Variants in CMIP observed in about 807,000 individuals in gnomAD.
The protein encoded by CMIP is c-Maf inducing protein.
In CMIP, 13 loss-of-function variants were observed where a neutral mutation model predicts 97.3. That is an observed-to-expected ratio of 0.13 (90% confidence interval 0.09 to 0.21). The LOEUF is 0.21. Ranked by LOEUF, CMIP falls within the 10% of genes least tolerant of loss-of-function variation. CMIP has a pLI of 1.00. For missense variants in CMIP, 847 were observed against 1,024.9 expected (o/e 0.83, Z 2.37); for synonymous variants, 538 against 436.3 (o/e 1.23, Z -2.91).
chr16:81,467,585 A>ATT (rs200498828), intron 1 of CMIP, among the ~76,000 whole-genome samples: 5 of 137,186 alleles, frequency 3.6e-5, no homozygotes, highest in African/African-American at 1.1e-4. Context: ...TTTCTTCTTT[A>ATT]TTTTTTTTTT....
At chr16:81,543,011 G>C (rs1228423463) in intron 1 of CMIP, among the ~76,000 whole-genome samples, 1 of 152,214 alleles carries the variant, frequency 6.6e-6, no homozygotes, top group African/African-American at 2.4e-5. Flanking sequence ...GGCCTAGCGA[G>C]AGGCCGCTTG....
chr16:81,657,096 C>T (rs1375670783), intron 4 of CMIP, among the ~76,000 whole-genome samples: 1 of 152,038 alleles, frequency 6.6e-6, no homozygotes, highest in East Asian at 1.9e-4. Flanking sequence ...CAAGCATTTT[C>T]AGTAAGGGAT....
intron 10 of CMIP, among the ~76,000 whole-genome samples, chr16:81,690,154 A>C (rs564598233): frequency 6.6e-6 from 1 of 152,254 alleles, no homozygotes; most frequent in East Asian, 1.9e-4. Flanking sequence ...TTTTGGTTCC[A>C]TATGAACTTT....
At position 81,607,664 on chromosome 16, in the gene CMIP, C is replaced by G. The variant is rs188629594; in HGVS notation, c.398C>G (p.Thr133Arg). Residue 133 changes from threonine (T) to arginine (R), a missense_variant, in exon 2 of 21, where the codon ACG becomes AGG. Around this residue, in one of 4 missense-constraint regions of CMIP, gnomAD observed 285 missense variants for 392.2 expected, o/e 0.73. Transcript: ENST00000537098. ...GCCCCGAAGTACTGTTTACAGCTCA[C>G]GATTCCTGGGGGAACTGTCTTACTG... ...ENAPKYCLQL[T>R]IPGGTVLLQA... The G allele has an allele frequency of 6.2e-7, 1 of 1,614,002 alleles. No homozygotes were observed. The highest frequency in any genetic ancestry group is 8.5e-7 in the Non-Finnish European group (1 of 1,179,864).
At chr16:81,471,182 A>G (rs1272536358) in intron 1 of CMIP, among the ~76,000 whole-genome samples, 1 of 152,246 alleles carries the variant, frequency 6.6e-6, no homozygotes, top group Admixed American at 6.5e-5. Context: ...GGCACAATAC[A>G]TGCATATAAA....
intron 1 of CMIP, among the ~76,000 whole-genome samples, chr16:81,581,027 C>CA (rs1277721732): frequency 6.6e-6 from 1 of 152,138 alleles, no homozygotes; most frequent in East Asian, 1.9e-4. Flanking sequence ...TCACACAGTA[C>CA]ATGGTCTTTT....
intron 1 of CMIP, among the ~76,000 whole-genome samples, chr16:81,481,777 C>T (rs982027732): frequency 6.6e-6 from 1 of 152,078 alleles, no homozygotes; most frequent in African/African-American, 2.4e-5. Flanking sequence ...GTTGCCTTTT[C>T]CATTATCTAG....
intron 3 of CMIP, among the ~76,000 whole-genome samples, chr16:81,634,236 T>C (rs906607430): frequency 9.2e-5 from 14 of 152,240 alleles, no homozygotes; most frequent in African/African-American, 3.4e-4. Context: ...TAAACATCTA[T>C]TGAGTGCCTA....
chr16:81,687,750 G>A (rs962271526), intron 10 of CMIP, among the ~76,000 whole-genome samples: 2 of 152,132 alleles, frequency 1.3e-5, no homozygotes, highest in Admixed American at 6.5e-5. Flanking sequence ...TTCTCTGGAC[G>A]CTCCCAGCTT....
intron 1 of CMIP, among the ~76,000 whole-genome samples, chr16:81,533,349 T>A (rs770007467): frequency 2.0e-5 from 3 of 152,268 alleles, no homozygotes; most frequent in Non-Finnish European, 2.9e-5. Flanking sequence ...AGTCAAACTT[T>A]GCAGCACTCA....
At chr16:81,599,653 A>G (rs528671659) in intron 1 of CMIP, among the ~76,000 whole-genome samples, 8 of 152,312 alleles carry the variant, frequency 5.3e-5, no homozygotes, top group East Asian at 3.9e-4. Flanking sequence ...GGAATTTGGC[A>G]TAACAGAGGG....
intron 1 of CMIP, among the ~76,000 whole-genome samples, chr16:81,447,783 G>T (rs1354578080): frequency 6.6e-6 from 1 of 152,236 alleles, no homozygotes; most frequent in Non-Finnish European, 1.5e-5. Context: ...GGCTCCAGGG[G>T]GCCTTGCCTC....
chr16:81,544,856 G>A (rs916939784), intron 1 of CMIP, among the ~76,000 whole-genome samples: 21 of 152,200 alleles, frequency 1.4e-4, no homozygotes, highest in Admixed American at 9.1e-4. Context: ...CTCTGCTTCC[G>A]GTTTCTGGGG....
intron 4 of CMIP, among the ~76,000 whole-genome samples, chr16:81,656,098 T>C (rs1393759709): frequency 6.6e-6 from 1 of 152,238 alleles, no homozygotes; most frequent in African/African-American, 2.4e-5. Flanking sequence ...TCCTTTCACA[T>C]GCCTGCATTC....
In CMIP at chr16:81,445,419, A is replaced by C; in HGVS notation, c.178A>C (p.Ile60Leu). The C allele has an allele frequency of 6.3e-7, 1 of 1,599,492 alleles. No individual in the cohort carries two copies. ...GTACAAACTGCTGCAGGAGGGCGAC[A>C]TTCAGGTCTGTGTCATCCGGCACCC... is the stretch of plus-strand genomic sequence containing the variant. Reference protein sequence around the residue: ...MRYKLLQEGDIQVCVIRHPRT... With the variant: ...MRYKLLQEGDLQVCVIRHPRT... Residue 60 changes from isoleucine (I) to leucine (L), a missense_variant, in exon 1 of 21, where the codon ATT becomes CTT. Coordinates refer to ENST00000537098, the MANE Select transcript of CMIP (RefSeq NM_198390.3).
chr16:81,476,436 CT>C (rs1321356149), intron 1 of CMIP: 2 of 977,940 alleles, frequency 2.0e-6, no homozygotes, highest in African/African-American at 1.6e-5. Flanking sequence ...TCTTTGGAAA[CT>C]TGTTTGCAAA....
intron 1 of CMIP, among the ~76,000 whole-genome samples, chr16:81,487,546 C>T (rs1234456540): frequency 6.6e-6 from 1 of 152,196 alleles, no homozygotes; most frequent in Non-Finnish European, 1.5e-5. Flanking sequence ...GGCAGCAACT[C>T]CTCTCCCAAG....
intron 1 of CMIP, among the ~76,000 whole-genome samples, chr16:81,491,924 G>A (rs909691498): frequency 6.6e-6 from 1 of 152,112 alleles, no homozygotes; most frequent in African/African-American, 2.4e-5. Context: ...AGTCTTCGCC[G>A]TGATGGAAGC....
intron 1 of CMIP, among the ~76,000 whole-genome samples, chr16:81,597,860 C>G (rs536713413): frequency 5.8e-4 from 89 of 152,198 alleles, no homozygotes; most frequent in South Asian, 1.5e-3. Flanking sequence ...CTGTCTCCCC[C>G]CCAGCTTGAT....
Sources: allele counts gnomAD v4.1 joint callset (sites outside exome capture counted in the v4.1 genomes callset), GRCh38; gene constraint gnomAD v4.1.1; regional missense constraint gnomAD v4.1.1; transcripts MANE v1.5; gene names NCBI Gene and HGNC (gene_info 2026-07-23, HGNC 2026-07-21).